Variants in RAB5C observed in about 807,000 individuals in gnomAD.
RAB5C encodes the protein RAB5C, member RAS oncogene family.
In RAB5C, 4 loss-of-function variants were observed where a neutral mutation model predicts 25.2. The ratio of observed to expected loss-of-function variants is 0.16; its 90% CI spans 0.08 to 0.36. The LOEUF (loss-of-function observed/expected upper bound fraction) is 0.36, where lower values mean the gene tolerates loss of function less well. RAB5C is among the 10% of genes least tolerant of loss of function. The probability of loss-of-function intolerance (pLI) is 1.00; values close to 1 mark genes in which losing one functional copy is unlikely to be tolerated. For missense variants in RAB5C, 199 were observed against 283.8 expected (o/e 0.70, Z 2.15); for synonymous variants, 100 against 106.4 (o/e 0.94, Z 0.37).
chr17:42,138,985 A>G (rs188272598), intron 1 of RAB5C, among the ~76,000 whole-genome samples: 279 of 152,324 alleles, frequency 1.8e-3, no homozygotes, highest in Non-Finnish European at 3.1e-3. Context: ...ACTCTACCCC[A>G]GCAGAACACC....
chr17:42,146,802 G>A (rs1019170150), intron 1 of RAB5C, among the ~76,000 whole-genome samples: 7 of 150,222 alleles, frequency 4.7e-5, no homozygotes, highest in African/African-American at 1.7e-4. Context: ...GTCAGGAGAT[G>A]GAGACCATCC....
At chr17:42,147,114 AAGAAAGAAAC>A (rs1400832919) in intron 1 of RAB5C, among the ~76,000 whole-genome samples, 4 of 151,210 alleles carry the variant, frequency 2.6e-5, no homozygotes, top group Non-Finnish European at 4.4e-5. Flanking sequence ...GACAGAAAGA[AAGAAAGAAAC>A]AGAAAGAAAG....
At chr17:42,130,312 C>A (rs770191861) in intron 2 of RAB5C, 25 bp downstream of exon 2, 1 of 1,574,108 alleles carries the variant, frequency 6.4e-7, no homozygotes, top group East Asian at 2.3e-5. Flanking sequence ...TCAGGCCCCT[C>A]CCCGACTCCC....
At chr17:42,154,430 G>A (rs1353315446) in intron 1 of RAB5C, among the ~76,000 whole-genome samples, 1 of 152,048 alleles carries the variant, frequency 6.6e-6, no homozygotes, top group Non-Finnish European at 1.5e-5. Context: ...CGTGTGGAAC[G>A]GTCTCACCCA....
At chr17:42,131,692 C>T in intron 1 of RAB5C, 1 of 1,302,660 alleles carries the variant, frequency 7.7e-7, no homozygotes, top group Non-Finnish European at 1.1e-6. Context: ...CCAAGTCCTG[C>T]ATCCCCAACA....
At chr17:42,153,224 C>T (rs2079683353) in intron 1 of RAB5C, among the ~76,000 whole-genome samples, 2 of 151,886 alleles carry the variant, frequency 1.3e-5, no homozygotes, top group East Asian at 1.9e-4. Flanking sequence ...GAGACCAGCC[C>T]GGCCAACATG....
At chr17:42,126,525 G>C (rs1033887071) in intron 5 of RAB5C, 8 of 260,250 alleles carry the variant, frequency 3.1e-5, no homozygotes, top group Middle Eastern at 1.3e-3. Context: ...CCAGCTGCTC[G>C]AGAGGCTGAG....
At chr17:42,126,686 C>G (rs745334051) in intron 5 of RAB5C, 69 bp downstream of exon 5, 1 of 861,862 alleles carries the variant, frequency 1.2e-6, no homozygotes, top group African/African-American at 1.7e-5. Flanking sequence ...CGCAGGCCCA[C>G]TCTAGACCAG....
chr17:42,144,925 CAAAAAAAAAAAAA>C (rs544870361), intron 1 of RAB5C, among the ~76,000 whole-genome samples: 2 of 31,072 alleles, frequency 6.4e-5, no homozygotes, highest in Admixed American at 4.9e-4. Flanking sequence ...GACTCCGTCT[CAAAAAAAAAAAAA>C]AAAAAAAAAA....
intron 1 of RAB5C, chr17:42,131,723 A>T: frequency 9.6e-7 from 1 of 1,045,158 alleles, no homozygotes; most frequent in Non-Finnish European, 1.4e-6. Context: ...CAGTCCCGAC[A>T]TCTGAATCAC....
chr17:42,131,489 CCAAAACAGACACCAAAA>C lies in RAB5C; in HGVS notation c.-88-916_-88-900del, dbSNP rs919091781. 22 of 1,027,384 alleles carry C rather than the reference CCAAAACAGACACCAAAA, an allele frequency of 2.1e-5. No individual in the cohort carries two copies. The African/African-American group carries it at 3.4e-4, about 16-fold the overall frequency. 63.6% of individuals were successfully genotyped at this position (1,027,384 alleles called of 1,614,324 possible). ...GCCAACACACACACAGAAATACACACCAAAACAGACACCAAAACAAAACACACACCGAAACAAACACA... is the reference window on the plus strand; with the variant it reads ...GCCAACACACACACAGAAATACACACCAAAACACACACCGAAACAAACACA... On this transcript the variant is annotated intron_variant, in intron 1 of 5. Coordinates refer to ENST00000346213, the MANE Select transcript of RAB5C (RefSeq NM_004583.4).
intron 1 of RAB5C, among the ~76,000 whole-genome samples, chr17:42,144,412 G>A (rs1205664198): frequency 6.6e-6 from 1 of 152,034 alleles, no homozygotes; most frequent in Non-Finnish European, 1.5e-5. Flanking sequence ...AGCCAAGATC[G>A]CACCACTGCA....
intron 1 of RAB5C, among the ~76,000 whole-genome samples, chr17:42,134,395 A>C (rs1458764591): frequency 6.6e-6 from 1 of 152,168 alleles, no homozygotes. Context: ...TCTCCATAAG[A>C]GCTAAAGTTA....
intron 1 of RAB5C, among the ~76,000 whole-genome samples, chr17:42,137,337 C>A (rs954840196): frequency 2.0e-5 from 3 of 150,608 alleles, no homozygotes; most frequent in African/African-American, 4.9e-5. Context: ...AAGCACACTG[C>A]TGGATGGAGG....
intron 1 of RAB5C, among the ~76,000 whole-genome samples, chr17:42,140,939 C>T (rs1356092631): frequency 6.6e-6 from 1 of 152,122 alleles, no homozygotes; most frequent in Non-Finnish European, 1.5e-5. Context: ...AGCAATCCTC[C>T]TACCTCAGCC....
At chr17:42,150,525 CAA>C (rs2079663578) in intron 1 of RAB5C, among the ~76,000 whole-genome samples, 1 of 89,358 alleles carries the variant, frequency 1.1e-5, no homozygotes, top group African/African-American at 4.6e-5. Flanking sequence ...GCCTGGGAGA[CAA>C]GAGTGAAACT....
At chr17:42,134,492 G>C (rs1352746570) in intron 1 of RAB5C, among the ~76,000 whole-genome samples, 1 of 152,162 alleles carries the variant, frequency 6.6e-6, no homozygotes, top group Non-Finnish European at 1.5e-5. Flanking sequence ...CACAAGAATT[G>C]CCTGAACCCA....
At chr17:42,138,897 T>G (rs1001766781) in intron 1 of RAB5C, among the ~76,000 whole-genome samples, 1 of 152,184 alleles carries the variant, frequency 6.6e-6, no homozygotes, top group African/African-American at 2.4e-5. Context: ...GTGTGGGAAG[T>G]CTTGTATCAC....
intron 1 of RAB5C, among the ~76,000 whole-genome samples, chr17:42,133,581 C>T (rs529965755): frequency 6.6e-6 from 1 of 152,340 alleles, no homozygotes; most frequent in African/African-American, 2.4e-5. Flanking sequence ...CCAGCATCTG[C>T]AGGTGAAGCA....
Sources: allele counts gnomAD v4.1 joint callset (sites outside exome capture counted in the v4.1 genomes callset), GRCh38; gene constraint gnomAD v4.1.1; transcripts MANE v1.5; gene names NCBI Gene and HGNC (gene_info 2026-07-23, HGNC 2026-07-21).